Variants in NLGN1 observed in about 807,000 individuals in gnomAD.
NLGN1 encodes neuroligin 1.
In NLGN1, 12 loss-of-function variants were observed where a neutral mutation model predicts 65.5. The observed-to-expected ratio is 0.18, with a 90% confidence interval of 0.12 to 0.30. The LOEUF (loss-of-function observed/expected upper bound fraction) is 0.30, where lower values mean the gene tolerates loss of function less well. Among genes scored for constraint, NLGN1 ranks in the 10% least tolerant of loss-of-function variants. NLGN1 has a pLI of 1.00. For synonymous variants in NLGN1, 350 were observed against 359.5 expected, an observed-to-expected ratio of 0.97 and a Z score of 0.30; for missense variants, 750 against 1,007.1, an observed-to-expected ratio of 0.74 and a Z score of 3.46.
intron 3 of NLGN1, among the ~76,000 whole-genome samples, chr3:173,767,833 C>T (rs1274133884): frequency 6.6e-6 from 1 of 151,990 alleles, no homozygotes; most frequent in Non-Finnish European, 1.5e-5. Context: ...CTAGACAAAT[C>T]ATTTGTCAAA....
At chr3:174,104,563 A>G (rs1442875327) in intron 4 of NLGN1, among the ~76,000 whole-genome samples, 1 of 152,218 alleles carries the variant, frequency 6.6e-6, no homozygotes, top group Non-Finnish European at 1.5e-5. Context: ...TTAGACACGT[A>G]GGAACATTAA....
Position 173,807,662 on chromosome 3 carries a change from C to T in NLGN1, c.494-18C>T. Reference sequence around the variant, plus strand: ...TATTTTTGAGGATAAGAACGATTGCCAACCATTTGTTTTCCAGATATTCGG... The same window carrying T: ...TATTTTTGAGGATAAGAACGATTGCTAACCATTTGTTTTCCAGATATTCGG... On this transcript the variant is annotated intron_variant, in intron 3 of 6. Coordinates refer to ENST00000457714, the Ensembl canonical transcript of NLGN1. 1 of 1,609,988 alleles carries T rather than the reference C, an allele frequency of 6.2e-7. No homozygotes were observed. Among genetic ancestry groups the T allele is most frequent in the South Asian group, 1.1e-5 (1 of 90,682 alleles).
At chr3:173,948,869 A>G (rs943177468) in intron 4 of NLGN1, among the ~76,000 whole-genome samples, 3 of 152,196 alleles carry the variant, frequency 2.0e-5, no homozygotes, top group Admixed American at 2.0e-4. Context: ...GGCAACCCAG[A>G]CAGACTTTAG....
chr3:173,783,701 G>A (rs1375784989), intron 3 of NLGN1, among the ~76,000 whole-genome samples: 1 of 152,124 alleles, frequency 6.6e-6, no homozygotes, highest in Non-Finnish European at 1.5e-5. Flanking sequence ...GGCAATCTCT[G>A]CCTCATGGGA....
At chr3:174,143,094 G>T (rs1001706520) in intron 4 of NLGN1, among the ~76,000 whole-genome samples, 2 of 152,096 alleles carry the variant, frequency 1.3e-5, no homozygotes, top group African/African-American at 4.8e-5. Flanking sequence ...CAGGGATGGT[G>T]CTAAACCATT....
intron 3 of NLGN1, among the ~76,000 whole-genome samples, chr3:173,689,418 C>G (rs1765136620): frequency 6.6e-6 from 1 of 152,130 alleles, no homozygotes; most frequent in African/African-American, 2.4e-5. Flanking sequence ...TAATGCCCCT[C>G]CCTATCTGCT....
At chr3:173,526,353 A>C (rs1269222859) in intron 2 of NLGN1, among the ~76,000 whole-genome samples, 1 of 151,982 alleles carries the variant, frequency 6.6e-6, no homozygotes, top group African/African-American at 2.4e-5. Flanking sequence ...TGTTGGCTTA[A>C]CATCTGTTTT....
At chr3:173,584,873 G>A (rs866193053) in intron 2 of NLGN1, 1 of 151,992 alleles carries the variant, frequency 6.6e-6, no homozygotes, top group African/African-American at 2.4e-5. Context: ...AAGAATTACC[G>A]GGTGCTCGAG....
chr3:174,280,580 A>ACTT lies in NLGN1; in HGVS notation c.1750_1752dup (p.Leu584dup). 1 of 1,613,252 alleles carries ACTT rather than the reference A, an allele frequency of 6.2e-7. No homozygotes were observed. The highest frequency in any genetic ancestry group is 8.5e-7 in the Non-Finnish European group (1 of 1,179,502). ...GGACCAGATATTCCCAGAAAGACCAACTTTATCTCCATATTGGATTAAAAC... is the reference window on the plus strand; with the variant it reads ...GGACCAGATATTCCCAGAAAGACCAACTTCTTTATCTCCATATTGGATTAAAAC... On this transcript the variant is annotated inframe_insertion, in exon 7 of 7. Transcript: ENST00000457714. This position sits in a 1 kb window ranked among gnomAD's most constrained non-coding sequence, Gnocchi z 4.9.
At chr3:174,051,344 C>G (rs953172091) in intron 4 of NLGN1, among the ~76,000 whole-genome samples, 2 of 152,000 alleles carry the variant, frequency 1.3e-5, no homozygotes, top group African/African-American at 4.8e-5. Context: ...TGGCATACCA[C>G]GTCGGAAAGG....
chr3:174,136,936 T>C (rs1721329629), intron 4 of NLGN1, among the ~76,000 whole-genome samples: 1 of 152,154 alleles, frequency 6.6e-6, no homozygotes, highest in Non-Finnish European at 1.5e-5. Context: ...AAATGGAAAG[T>C]GCATTTAATA....
At chr3:174,252,083 C>T (rs1422733515) in intron 4 of NLGN1, among the ~76,000 whole-genome samples, 1 of 151,966 alleles carries the variant, frequency 6.6e-6, no homozygotes, top group African/African-American at 2.4e-5. Context: ...TTTTTCCTTT[C>T]CTTTAGAAAT....
At chr3:173,688,936 G>T (rs954573873) in intron 3 of NLGN1, among the ~76,000 whole-genome samples, 3 of 152,104 alleles carry the variant, frequency 2.0e-5, no homozygotes, top group African/African-American at 7.2e-5. Context: ...TTCTGTTTTG[G>T]CATCCTGTTG....
intron 4 of NLGN1, among the ~76,000 whole-genome samples, chr3:173,907,589 T>C (rs1001428686): frequency 1.3e-5 from 2 of 149,310 alleles, no homozygotes; most frequent in African/African-American, 5.0e-5. Flanking sequence ...TCTCTTTTTT[T>C]TTTTTTTTTT....
intron 4 of NLGN1, among the ~76,000 whole-genome samples, chr3:174,163,604 C>T (rs1409526483): frequency 6.6e-6 from 1 of 152,028 alleles, no homozygotes; most frequent in East Asian, 1.9e-4. Context: ...TTCCAGCAGA[C>T]CCCAGTGTCT....
At chr3:173,729,680 A>G (rs1226486224) in intron 3 of NLGN1, among the ~76,000 whole-genome samples, 1 of 152,084 alleles carries the variant, frequency 6.6e-6, no homozygotes, top group Non-Finnish European at 1.5e-5. Context: ...ATTTTTACGG[A>G]GAAATATTGA....
intron 3 of NLGN1, among the ~76,000 whole-genome samples, chr3:173,656,732 T>A (rs1405387092): frequency 6.6e-6 from 1 of 152,038 alleles, no homozygotes; most frequent in Admixed American, 6.6e-5. Flanking sequence ...TCTTACCCAA[T>A]GAGAATTTTG....
chr3:173,651,292 A>G (rs1179732071), intron 3 of NLGN1, among the ~76,000 whole-genome samples: 1 of 151,192 alleles, frequency 6.6e-6, no homozygotes, highest in Non-Finnish European at 1.5e-5. Context: ...TATATATTCA[A>G]TATTTATGTG....
chr3:173,560,110 AT>A (rs2149293369), intron 2 of NLGN1, among the ~76,000 whole-genome samples: 1 of 151,938 alleles, frequency 6.6e-6, no homozygotes, highest in Admixed American at 6.6e-5. Flanking sequence ...CGCCTGGCTA[AT>A]TTTTTGTATT....
Sources: allele counts gnomAD v4.1 joint callset (sites outside exome capture counted in the v4.1 genomes callset), GRCh38; gene constraint gnomAD v4.1.1; non-coding constraint Gnocchi (gnomAD v3.1); transcripts MANE v1.5; gene names NCBI Gene and HGNC (gene_info 2026-07-23, HGNC 2026-07-21).